Variants in GPR158 observed in about 807,000 individuals in gnomAD.
The protein encoded by GPR158 is metabotropic glycine receptor.
In GPR158, 30 loss-of-function variants were observed where a neutral mutation model predicts 78.2. The observed-to-expected ratio is 0.38, with a 90% CI of 0.29 to 0.52. The LOEUF (loss-of-function observed/expected upper bound fraction) is 0.52. GPR158 is among the 20% of genes least tolerant of loss of function. The pLI, the probability that GPR158 is intolerant of heterozygous loss-of-function variation, is 0.83. For synonymous variants in GPR158, 581 were observed against 591.1 expected, an observed-to-expected ratio of 0.98 and a Z score of 0.25; for missense variants, 1,463 against 1,523.5, an observed-to-expected ratio of 0.96 and a Z score of 0.66.
chr10:25,479,202 C>T (rs553382868), intron 5 of GPR158, among the ~76,000 whole-genome samples: 1 of 152,046 alleles, frequency 6.6e-6, no homozygotes, highest in East Asian at 1.9e-4. Flanking sequence ...AAAGATCTTT[C>T]TAAAGTTAAA....
intron 1 of GPR158, among the ~76,000 whole-genome samples, chr10:25,216,706 T>C (rs1312003107): frequency 2.6e-5 from 4 of 152,208 alleles, no homozygotes; most frequent in African/African-American, 9.6e-5. Flanking sequence ...TAAGGGACTC[T>C]CTTCCATATC....
chr10:25,354,249 G>A (rs899108464), intron 2 of GPR158, among the ~76,000 whole-genome samples: 1 of 151,756 alleles, frequency 6.6e-6, no homozygotes, highest in Non-Finnish European at 1.5e-5. Context: ...CAGCCTCCTA[G>A]GAGGCTGAGG....
intron 5 of GPR158, among the ~76,000 whole-genome samples, chr10:25,539,953 T>G (rs904177445): frequency 7.9e-5 from 12 of 152,148 alleles, no homozygotes; most frequent in African/African-American, 2.9e-4. Context: ...TATAAGAATT[T>G]TAGTTTAATT....
intron 2 of GPR158, among the ~76,000 whole-genome samples, chr10:25,331,006 C>T (rs1050198281): frequency 1.3e-5 from 2 of 152,152 alleles, no homozygotes; most frequent in South Asian, 2.1e-4. Context: ...GCAGTGCCAT[C>T]AGAGCTTATG....
At chr10:25,190,184 G>A (rs974683641) in intron 1 of GPR158, among the ~76,000 whole-genome samples, 2 of 151,974 alleles carry the variant, frequency 1.3e-5, no homozygotes, top group Admixed American at 1.3e-4. Flanking sequence ...CCCATTAAAG[G>A]AATATTAGTA....
chr10:25,279,063 TA>T (rs764579679), intron 2 of GPR158, among the ~76,000 whole-genome samples: 12 of 151,792 alleles, frequency 7.9e-5, no homozygotes, highest in Middle Eastern at 3.4e-3. Context: ...TCCTAAGATA[TA>T]AAAAAAATAT....
chr10:25,568,022 G>A (rs1015329535), intron 6 of GPR158, among the ~76,000 whole-genome samples: 1 of 152,182 alleles, frequency 6.6e-6, no homozygotes, highest in Non-Finnish European at 1.5e-5. Context: ...GGATAAGGGA[G>A]AAAAATCAAA....
At chr10:25,432,446 A>G (rs1172977486) in intron 4 of GPR158, among the ~76,000 whole-genome samples, 2 of 152,226 alleles carry the variant, frequency 1.3e-5, no homozygotes, top group Non-Finnish European at 2.9e-5. Flanking sequence ...TACTAAACAT[A>G]TATGTGCACA....
At chr10:25,436,865 A>G (rs1387092983) in intron 4 of GPR158, among the ~76,000 whole-genome samples, 1 of 152,202 alleles carries the variant, frequency 6.6e-6, no homozygotes, top group Non-Finnish European at 1.5e-5. Context: ...AAGTGTTTAG[A>G]GTAAGGAAAG....
chr10:25,214,983 T>C (rs374574435), intron 1 of GPR158, among the ~76,000 whole-genome samples: 1 of 152,218 alleles, frequency 6.6e-6, no homozygotes, highest in South Asian at 2.1e-4. Flanking sequence ...ATTTGCTTGT[T>C]GTGTTCCCAT....
chr10:25,419,293 A>C (rs1163374824), intron 4 of GPR158, among the ~76,000 whole-genome samples: 2 of 152,148 alleles, frequency 1.3e-5, no homozygotes, highest in African/African-American at 2.4e-5. Flanking sequence ...TAATGTTTTC[A>C]AGATTCATTG....
chr10:25,278,751 A>G (rs555834368), intron 2 of GPR158, among the ~76,000 whole-genome samples: 1 of 151,520 alleles, frequency 6.6e-6, no homozygotes, highest in Non-Finnish European at 1.5e-5. Flanking sequence ...AAATAATTAA[A>G]GTATTTAAAT....
At chr10:25,377,707 C>T (rs1207182069) in intron 2 of GPR158, among the ~76,000 whole-genome samples, 1 of 152,034 alleles carries the variant, frequency 6.6e-6, no homozygotes, top group Non-Finnish European at 1.5e-5. Flanking sequence ...TGTATTAGTA[C>T]TACATTCCTT....
At chr10:25,587,737 G>A (rs1214133573) in intron 7 of GPR158, among the ~76,000 whole-genome samples, 4 of 151,948 alleles carry the variant, frequency 2.6e-5, no homozygotes, top group Non-Finnish European at 4.4e-5. Flanking sequence ...TTTGTCTTCC[G>A]GCTACATCAG....
At chr10:25,261,726 T>C (rs1004809182) in intron 2 of GPR158, among the ~76,000 whole-genome samples, 1 of 152,190 alleles carries the variant, frequency 6.6e-6, no homozygotes, top group African/African-American at 2.4e-5. Context: ...CACTCTGTTT[T>C]ATTTGTAAAA....
intron 2 of GPR158, among the ~76,000 whole-genome samples, chr10:25,256,135 G>C (rs1347324441): frequency 6.6e-6 from 1 of 151,742 alleles, no homozygotes; most frequent in Non-Finnish European, 1.5e-5. Flanking sequence ...ATCATTATCT[G>C]GTGGCACTTG....
intron 2 of GPR158, among the ~76,000 whole-genome samples, chr10:25,289,022 A>G (rs1854394903): frequency 6.6e-6 from 1 of 152,238 alleles, no homozygotes; most frequent in South Asian, 2.1e-4. Context: ...GACAGAAGTC[A>G]GAAAACTTGA....
At chr10:25,367,458 G>C (rs902093208) in intron 2 of GPR158, among the ~76,000 whole-genome samples, 1 of 151,514 alleles carries the variant, frequency 6.6e-6, no homozygotes, top group Non-Finnish European at 1.5e-5. Context: ...TCAAGATTTC[G>C]TTTTGGCTCT....
intron 2 of GPR158, among the ~76,000 whole-genome samples, chr10:25,222,619 G>A (rs375780137): frequency 3.3e-5 from 5 of 152,090 alleles, no homozygotes; most frequent in African/African-American, 1.2e-4. Context: ...TCTAAGATGT[G>A]AATTTCAATC....
Sources: allele counts gnomAD v4.1 joint callset (sites outside exome capture counted in the v4.1 genomes callset), GRCh38; gene constraint gnomAD v4.1.1; transcripts MANE v1.5; gene names NCBI Gene and HGNC (gene_info 2026-07-23, HGNC 2026-07-21).